FHAD1: variants seen among roughly 807,000 people sequenced by gnomAD.
FHAD1 encodes the protein forkhead-associated domain-containing protein 1.
In FHAD1, 146 loss-of-function variants were observed where a neutral mutation model predicts 191.3. That is an observed-to-expected ratio of 0.76 (90% CI 0.67 to 0.88). The LOEUF is 0.88. FHAD1 is among the 40% of genes least tolerant of loss of function. The pLI, the probability that FHAD1 is intolerant of heterozygous loss-of-function variation, is 0.00. For synonymous variants in FHAD1, 616 were observed against 672.3 expected, an observed-to-expected ratio of 0.92 and a Z score of 1.29; for missense variants, 1,635 against 1,785.8, an observed-to-expected ratio of 0.92 and a Z score of 1.52.
intron 28 of FHAD1, among the ~76,000 whole-genome samples, chr1:15,379,673 A>T (rs1285633212): frequency 6.6e-6 from 1 of 152,266 alleles, no homozygotes; most frequent in African/African-American, 2.4e-5. Flanking sequence ...TCCTAGGCAG[A>T]GGTCCATGCG....
rs1201628885 is a variant in FHAD1, at chr1:15,289,584, C to G, written c.486C>G (p.Ser162=). ...FPRPTVVLPA[S]HRRPVSANKE... Reference sequence around the variant, plus strand: ...GACCCACCGTGGTCCTGCCGGCCTCCCACAGGCGGCCTGTGAGCGCCAACA... The same window carrying G: ...GACCCACCGTGGTCCTGCCGGCCTCGCACAGGCGGCCTGTGAGCGCCAACA... Residue 162 remains serine, a synonymous_variant, in exon 4 of 34, where the codon TCC becomes TCG. Transcript: ENST00000688493. This position sits in a 1 kb window ranked among gnomAD's most constrained non-coding sequence, Gnocchi z 4.2. 1 of 1,551,794 alleles carries G rather than the reference C, an allele frequency of 6.4e-7. No homozygotes were observed. Among genetic ancestry groups the G allele is most frequent in the Admixed American group, 2.0e-5 (1 of 51,010 alleles).
chr1:15,370,988 CA>C lies in FHAD1; in HGVS notation c.3447+1487del, dbSNP rs1160110385. 2.6e-5 allele frequency among the ~76,000 whole-genome samples: 4 copies of C among 152,204 alleles called. No individual in the cohort carries two copies. In the South Asian group the frequency reaches 8.3e-4, roughly 32 times the overall value. ...TGAACGAAAGGGCTCGAGGTCCAGC[CA>C]GCTGTCCTTGGCATCGATTGCTGTC... is the stretch of plus-strand genomic sequence containing the variant. On this transcript the variant is annotated intron_variant, in intron 26 of 33. Coordinates refer to ENST00000688493, the MANE Select transcript of FHAD1 (RefSeq NM_001391957.1).
intron 1 of FHAD1, among the ~76,000 whole-genome samples, chr1:15,250,318 T>G (rs1016978682): frequency 6.6e-6 from 1 of 152,224 alleles, no homozygotes; most frequent in African/African-American, 2.4e-5. Context: ...CACTGAAGTG[T>G]TTGTCTTAAA....
intron 4 of FHAD1, among the ~76,000 whole-genome samples, chr1:15,293,966 C>T (rs1157121885): frequency 1.3e-5 from 2 of 152,186 alleles, no homozygotes; most frequent in Admixed American, 6.5e-5. Context: ...TCTGCCTGGG[C>T]GTCACCACTG....
chr1:15,328,462 T>C, intron 13 of FHAD1, 33 bp downstream of exon 13: 1 of 1,367,320 alleles, frequency 7.3e-7, no homozygotes, highest in African/African-American at 1.5e-5. Flanking sequence ...ACAAATGGTC[T>C]CTTTGTCTAA....
intron 3 of FHAD1, among the ~76,000 whole-genome samples, chr1:15,285,447 C>T (rs112510074): frequency 3.3e-5 from 5 of 152,270 alleles, no homozygotes; most frequent in African/African-American, 7.2e-5. Flanking sequence ...GCAGGAGAAT[C>T]GCTGGAACCC....
chr1:15,345,891 C>T (rs568272531), intron 18 of FHAD1, among the ~76,000 whole-genome samples: 30 of 152,258 alleles, frequency 2.0e-4, no homozygotes, highest in African/African-American at 5.8e-4. Flanking sequence ...ATCCTAAAAG[C>T]CTCCAGCCTT....
At chr1:15,370,459 T>C (rs1001390755) in intron 26 of FHAD1, among the ~76,000 whole-genome samples, 5 of 152,232 alleles carry the variant, frequency 3.3e-5, no homozygotes, top group African/African-American at 1.2e-4. Flanking sequence ...TTCCAACCAG[T>C]CCCCTCTTGA....
At position 15,311,379 on chromosome 1, in the gene FHAD1, C is replaced by G. The variant is rs919899979; in HGVS notation, c.1040-1678C>G. 6.6e-6 allele frequency among the ~76,000 whole-genome samples: 1 copy of G among 152,176 alleles called. No individual in the cohort carries two copies. Among genetic ancestry groups the G allele is most frequent in the Non-Finnish European group, 1.5e-5 (1 of 68,032 alleles). ...GCAGAGGGAACCATCTCGAAGCCCA[C>G]GTAGGCCTGAGAGTAGCTCACTTTC... On this transcript the variant is annotated intron_variant, in intron 7 of 33. Coordinates refer to ENST00000688493, the MANE Select transcript of FHAD1 (RefSeq NM_001391957.1). The surrounding 1 kb of genome is among the most constrained non-coding windows in gnomAD (Gnocchi z 4.1).
At chr1:15,346,611 T>G (rs1422832063) in intron 18 of FHAD1, among the ~76,000 whole-genome samples, 2 of 152,228 alleles carry the variant, frequency 1.3e-5, no homozygotes. Context: ...ATATTCTACT[T>G]CTGTTAATGC....
intron 24 of FHAD1, 79 bp downstream of exon 24, chr1:15,366,012 G>A (rs936420120): frequency 3.1e-6 from 3 of 983,340 alleles, no homozygotes; most frequent in Non-Finnish European, 4.7e-6. Flanking sequence ...AGTCGGCCGG[G>A]CGCAGTGGCG....
chr1:15,360,733 T>C (rs1570215278), intron 22 of FHAD1, 30 bp downstream of exon 22: 1 of 1,535,238 alleles, frequency 6.5e-7, no homozygotes, highest in South Asian at 1.2e-5. Context: ...AAGGAAATCT[T>C]AGTGTTCGGG....
At chr1:15,364,245 TTTTG>T (rs377447687) in intron 23 of FHAD1, 10 of 156,074 alleles carry the variant, frequency 6.4e-5, no homozygotes, top group Non-Finnish European at 1.1e-4. Context: ...TCACCAGTCT[TTTTG>T]TTTGTTTGTT....
chr1:15,373,668 C>A (rs1194653923), intron 26 of FHAD1, among the ~76,000 whole-genome samples: 1 of 152,112 alleles, frequency 6.6e-6, no homozygotes, highest in African/African-American at 2.4e-5. Flanking sequence ...GCGTGGGCAA[C>A]AAAGCGACAT....
intron 6 of FHAD1, among the ~76,000 whole-genome samples, chr1:15,308,133 C>T (rs1671100625): frequency 6.6e-6 from 1 of 152,204 alleles, no homozygotes; most frequent in South Asian, 2.1e-4. Context: ...GGCCATGAGG[C>T]TCTGTTGAAG....
chr1:15,266,687 T>C (rs1653673368), intron 2 of FHAD1, among the ~76,000 whole-genome samples: 2 of 152,188 alleles, frequency 1.3e-5, no homozygotes. Flanking sequence ...TATTCACCAA[T>C]ATAGAATCAT....
At chr1:15,331,236 C>T (rs572697995) in intron 14 of FHAD1, among the ~76,000 whole-genome samples, 1 of 152,074 alleles carries the variant, frequency 6.6e-6, no homozygotes, top group South Asian at 2.1e-4. Flanking sequence ...ACAGCTGTTT[C>T]CCCAGGTGTC....
intron 23 of FHAD1, 69 bp from the exon 24 acceptor site, chr1:15,365,758 C>T: frequency 1.1e-6 from 1 of 940,088 alleles, no homozygotes; most frequent in Non-Finnish European, 1.7e-6. Context: ...GTACTTGGCC[C>T]CTCCTGACAC....
chr1:15,264,377 TTTC>T (rs1223776834), intron 2 of FHAD1, among the ~76,000 whole-genome samples: 1 of 152,186 alleles, frequency 6.6e-6, no homozygotes, highest in Non-Finnish European at 1.5e-5. Flanking sequence ...TTTCTAATAT[TTTC>T]TTCTTTTTGA....
Sources: allele counts gnomAD v4.1 joint callset (sites outside exome capture counted in the v4.1 genomes callset), GRCh38; gene constraint gnomAD v4.1.1; non-coding constraint Gnocchi (gnomAD v3.1); transcripts MANE v1.5; gene names NCBI Gene and HGNC (gene_info 2026-07-23, HGNC 2026-07-21).